The following UQCC1 variants were observed in gnomAD, a reference collection of about 807,000 sequenced individuals.
UQCC1 encodes the protein bFGF-repressed Zic-binding protein.
In UQCC1, 38 loss-of-function variants were observed where a neutral mutation model predicts 48.0. The ratio of observed to expected loss-of-function variants is 0.79; its 90% CI spans 0.61 to 1.04. The LOEUF (loss-of-function observed/expected upper bound fraction) is 1.04. Ranked by LOEUF, UQCC1 falls within the 50% of genes least tolerant of loss-of-function variation. The probability of loss-of-function intolerance (pLI) is 0.00; values close to 1 mark genes in which losing one functional copy is unlikely to be tolerated. For synonymous variants in UQCC1, 111 were observed against 129.2 expected (o/e 0.86, Z 0.95); for missense variants, 368 against 381.8 (o/e 0.96, Z 0.30).
At chr20:35,408,586 C>T (rs2062287764) in intron 1 of UQCC1, among the ~76,000 whole-genome samples, 1 of 152,010 alleles carries the variant, frequency 6.6e-6, no homozygotes, top group Non-Finnish European at 1.5e-5. Flanking sequence ...GACATAGTGG[C>T]TCACGCCTGT....
chr20:35,408,556 T>A (rs780563584), intron 1 of UQCC1, among the ~76,000 whole-genome samples: 19 of 151,938 alleles, frequency 1.3e-4, no homozygotes, highest in Non-Finnish European at 2.8e-4. Context: ...GGACAATTCC[T>A]CAACAAATTA....
At chr20:35,313,859 C>G (rs565630702) in intron 8 of UQCC1, among the ~76,000 whole-genome samples, 1 of 152,302 alleles carries the variant, frequency 6.6e-6, no homozygotes, top group South Asian at 2.1e-4. Flanking sequence ...CCACCCACCT[C>G]GGCCTCCCAA....
In UQCC1 at chr20:35,314,769, C is replaced by T. The variant is rs774714093; in HGVS notation, c.574-4G>A. The T allele has an allele frequency of 8.2e-6, 13 of 1,582,482 alleles. No individual in the cohort carries two copies. The highest frequency in any genetic ancestry group is 1.1e-5 in the Non-Finnish European group (13 of 1,157,444). Reference sequence around the variant, plus strand: ...TCTTCAGGATATAGGGATTAACCTACAGAAACAAATGGCAAAAACAAAAGT... The same window carrying T: ...TCTTCAGGATATAGGGATTAACCTATAGAAACAAATGGCAAAAACAAAAGT... On this transcript the variant is annotated splice_polypyrimidine_tract_variant and splice_region_variant and intron_variant, in intron 7 of 9. Transcript: ENST00000374385.
At chr20:35,306,615 G>C (rs2146290779) in intron 9 of UQCC1, 51 bp downstream of exon 9, 1 of 1,422,364 alleles carries the variant, frequency 7.0e-7, no homozygotes, top group East Asian at 2.3e-5. Context: ...AAGCCCAAGA[G>C]GAGGACCCAC....
In UQCC1 at chr20:35,313,143, G is replaced by A. The variant is rs544289816; in HGVS notation, c.651+1545C>T. ...TGTAATCCCAGCACTTTGGGAGGCCGAGGCGGGCAGATCACAAGGTCAGGA... is the reference window on the plus strand; with the variant it reads ...TGTAATCCCAGCACTTTGGGAGGCCAAGGCGGGCAGATCACAAGGTCAGGA... On this transcript the variant is annotated intron_variant, in intron 8 of 9. Coordinates refer to ENST00000374385, the MANE Select transcript of UQCC1 (RefSeq NM_018244.5). Among the ~76,000 whole-genome samples, 539 of 152,188 alleles carry A rather than the reference G, an allele frequency of 3.5e-3. 2 individuals are homozygous for A. Among genetic ancestry groups the A allele is most frequent in the Non-Finnish European group, 4.8e-3 (329 of 67,986 alleles).
chr20:35,377,132 A>G (rs1030059797), intron 4 of UQCC1, among the ~76,000 whole-genome samples: 4 of 152,208 alleles, frequency 2.6e-5, no homozygotes, highest in African/African-American at 9.6e-5. Flanking sequence ...CTACAGAACA[A>G]TAGCCTTCAT....
At chr20:35,305,524 C>A (rs576922989) in intron 9 of UQCC1, among the ~76,000 whole-genome samples, 113 of 152,350 alleles carry the variant, frequency 7.4e-4, no homozygotes, top group Middle Eastern at 3.4e-3. Flanking sequence ...GAGGGTGAGT[C>A]CAGTCAACAG....
chr20:35,377,584 CAG>C (rs1178738114), intron 4 of UQCC1, among the ~76,000 whole-genome samples: 1 of 152,190 alleles, frequency 6.6e-6, no homozygotes, highest in East Asian at 1.9e-4. Context: ...GTGGGCAAAA[CAG>C]ACAAAAATCT....
intron 5 of UQCC1, among the ~76,000 whole-genome samples, chr20:35,371,822 C>G (rs1442022133): frequency 6.6e-6 from 1 of 150,634 alleles, no homozygotes; most frequent in Admixed American, 6.6e-5. Context: ...CCAGCCTGGG[C>G]AACATAGTGA....
At chr20:35,306,078 C>T (rs2060925343) in intron 9 of UQCC1, among the ~76,000 whole-genome samples, 1 of 152,138 alleles carries the variant, frequency 6.6e-6, no homozygotes, top group Non-Finnish European at 1.5e-5. Flanking sequence ...GGCTTGAGGA[C>T]AGCTATGTGG....
At chr20:35,400,949 T>C (rs961446919) in intron 1 of UQCC1, among the ~76,000 whole-genome samples, 1 of 152,216 alleles carries the variant, frequency 6.6e-6, no homozygotes, top group African/African-American at 2.4e-5. Context: ...TGTTTCTGCA[T>C]GTGGTTTTTT....
intron 9 of UQCC1, among the ~76,000 whole-genome samples, 172 bp from the exon 10 acceptor site, chr20:35,304,241 C>T (rs2060903390): frequency 6.6e-6 from 1 of 152,208 alleles, no homozygotes; most frequent in East Asian, 1.9e-4. Flanking sequence ...CGTCTCTGAT[C>T]TCCTAGATAA....
chr20:35,366,636 T>C lies in UQCC1; in HGVS notation c.407-22A>G, dbSNP rs760488527. ...CACCCTAGAAAATAACAATAAGGTA[T>C]AAGTATGTGAGGGTTTAAAGGAAGC... On this transcript the variant is annotated intron_variant, in intron 5 of 9. Transcript: ENST00000374385. 8.1e-6 allele frequency: 13 copies of C among 1,602,968 alleles called. No homozygotes were observed. The African/African-American group carries it at 1.5e-4, about 18-fold the overall frequency.
chr20:35,347,055 A>C, intron 7 of UQCC1, 109 bp downstream of exon 7: 1 of 1,611,386 alleles, frequency 6.2e-7, no homozygotes, highest in Non-Finnish European at 8.5e-7. Flanking sequence ...GATATTAGGC[A>C]GCATTTCACA....
chr20:35,366,304 A>C (rs1348316009), intron 6 of UQCC1, among the ~76,000 whole-genome samples: 1 of 152,228 alleles, frequency 6.6e-6, no homozygotes, highest in Admixed American at 6.5e-5. Flanking sequence ...GTGTTAAGAG[A>C]TACTGATAGC....
rs1600945587 is a variant in UQCC1, at chr20:35,362,185, T to TAG, written c.464+4370_464+4371dup. ...GTGGAGAGGCGGGGGAAGGGCCTTC[T>TAG]AGGCAGAAGAAACTTTGTGCAGAAG... is the stretch of plus-strand genomic sequence containing the variant. On this transcript the variant is annotated intron_variant, in intron 6 of 9. Transcript: ENST00000374385. Among the ~76,000 whole-genome samples the TAG allele has an allele frequency of 7.9e-5, 12 of 152,326 alleles. No individual in the cohort carries two copies. In the East Asian group the frequency reaches 2.3e-3, roughly 29 times the overall value.
intron 9 of UQCC1, among the ~76,000 whole-genome samples, chr20:35,304,987 G>A (rs2060912840): frequency 6.6e-6 from 1 of 152,110 alleles, no homozygotes; most frequent in African/African-American, 2.4e-5. Flanking sequence ...CCCACCTCCT[G>A]GGTTGAAAAT....
intron 8 of UQCC1, among the ~76,000 whole-genome samples, chr20:35,308,865 C>T (rs566651387): frequency 6.6e-6 from 1 of 152,260 alleles, no homozygotes; most frequent in East Asian, 1.9e-4. Context: ...CGGGCATGTG[C>T]CATCACACCC....
chr20:35,314,831 T>C (rs2061039569), intron 7 of UQCC1, 66 bp from the exon 8 acceptor site: 5 of 1,308,384 alleles, frequency 3.8e-6, no homozygotes, highest in Non-Finnish European at 4.3e-6. Flanking sequence ...AAAAGTATGA[T>C]CTTTGACTCT....
Sources: allele counts gnomAD v4.1 joint callset (sites outside exome capture counted in the v4.1 genomes callset), GRCh38; gene constraint gnomAD v4.1.1; transcripts MANE v1.5; gene names NCBI Gene and HGNC (gene_info 2026-07-23, HGNC 2026-07-21).